FNBP1: variants seen among roughly 807,000 people sequenced by gnomAD.
The protein encoded by FNBP1 is formin-binding protein 1.
Under a neutral mutation model 90.6 loss-of-function variants are expected in FNBP1, and 26 were observed. The observed-to-expected ratio is 0.29, with a 90% CI of 0.21 to 0.40. The LOEUF is 0.40. FNBP1 is among the 10% of genes least tolerant of loss of function. The pLI, the probability that FNBP1 is intolerant of heterozygous loss-of-function variation, is 1.00. For missense variants in FNBP1, 635 were observed against 768.0 expected (o/e 0.83, Z 2.05); for synonymous variants, 260 against 265.2 (o/e 0.98, Z 0.19).
At chr9:129,996,778 C>T (rs1300961733) in intron 1 of FNBP1, among the ~76,000 whole-genome samples, 1 of 152,130 alleles carries the variant, frequency 6.6e-6, no homozygotes, top group Non-Finnish European at 1.5e-5. Flanking sequence ...CAGCTTGCTG[C>T]TGCCTCCCAG....
chr9:129,913,476 T>TA lies in FNBP1; in HGVS notation c.1185+2489dup, dbSNP rs551264896. Among the ~76,000 whole-genome samples, 6 of 151,450 alleles carry TA rather than the reference T, an allele frequency of 4.0e-5. No individual in the cohort carries two copies. In the South Asian group the frequency reaches 1.3e-3, roughly 32 times the overall value. The stretch of plus-strand genomic sequence containing the variant: ...AAGAGAAGCTTGTTCTATGTACTAA[T>TA]AAAATCAAACCTGGCCGGGCCTGGT... On this transcript the variant is annotated intron_variant, in intron 11 of 16. Coordinates refer to ENST00000446176, the MANE Select transcript of FNBP1 (RefSeq NM_015033.3).
At chr9:129,895,326 G>A in intron 16 of FNBP1, 22 of 1,063,330 alleles carry the variant, frequency 2.1e-5, no homozygotes, top group Non-Finnish European at 2.4e-5. Flanking sequence ...TTTCACTTGT[G>A]ACTTCCTCCC....
intron 2 of FNBP1, among the ~76,000 whole-genome samples, chr9:129,983,802 C>T (rs1407036251): frequency 6.6e-6 from 1 of 152,216 alleles, no homozygotes; most frequent in African/African-American, 2.4e-5. Flanking sequence ...CAGAGCAAGA[C>T]TTCGTCTCAA....
rs1180360063 is a variant in FNBP1, at chr9:129,926,913, AAAAG to A, written c.789+278_789+281del. On this transcript the variant is annotated intron_variant, in intron 8 of 16. Transcript: ENST00000446176. ...AAAGAAAAAAAAAAAAAGAAAAAGA[AAAAG>A]AAAAAGAGAAAGAAACCCTGCCTTA... Among the ~76,000 whole-genome samples, 5 of 152,052 alleles carry A rather than the reference AAAAG, an allele frequency of 3.3e-5. No individual in the cohort carries two copies. The East Asian group carries it at 9.6e-4, about 29-fold the overall frequency.
At chr9:129,901,898 C>T (rs2037020252) in intron 13 of FNBP1, among the ~76,000 whole-genome samples, 1 of 152,050 alleles carries the variant, frequency 6.6e-6, no homozygotes, top group Non-Finnish European at 1.5e-5. Flanking sequence ...GGCAACAGGG[C>T]GAGACTTCAT....
At chr9:129,891,179 G>C (rs1042553331) in intron 16 of FNBP1, among the ~76,000 whole-genome samples, 2 of 151,666 alleles carry the variant, frequency 1.3e-5, no homozygotes, top group Non-Finnish European at 2.9e-5. Context: ...GGAAACGGAG[G>C]TTGGGTGCAG....
Position 129,908,963 on chromosome 9 carries a change from C to T in FNBP1, c.1222G>A (p.Glu408Lys), listed in dbSNP as rs2038698787. The stretch of plus-strand genomic sequence containing the variant: ...TGCTGCAGCTTTTTCCTTCTTTGTT[C>T]AGGTGGGAGGTTGCTGAAATCCTCC... ...TPEDFSNLPPEQRRKKLQQKV... is the reference protein window; with the variant it reads ...TPEDFSNLPPKQRRKKLQQKV... The change falls in exon 12 of 17, where the codon GAA becomes AAA. Residue 408 changes from glutamate (E) to lysine (K), a missense_variant. Transcript: ENST00000446176. 2 of 1,613,708 alleles carry T rather than the reference C, an allele frequency of 1.2e-6. No individual in the cohort carries two copies. The highest frequency in any genetic ancestry group is 8.5e-7 in the Non-Finnish European group (1 of 1,179,772).
chr9:130,052,852 C>T, the FNBP1 span, among the ~76,000 whole-genome samples: 1 of 151,990 alleles, frequency 6.6e-6, no homozygotes, highest in African/African-American at 2.4e-5. Context: ...CAGTGACTCA[C>T]GCCTGTAATC....
rs56397008 is a variant in FNBP1 at position 129,893,637 on chromosome 9, A to AAAAAAAAAAAAG, written c.1846+2200_1846+2201insCTTTTTTTTTTT. ...CAAAAAAAAAAAAAAAAAAAAAAAAAGCCAGGCACGGGCTCATGCCTGTAA... is the reference window on the plus strand; with the variant it reads ...CAAAAAAAAAAAAAAAAAAAAAAAAAAAAAAAAAAAAGGCCAGGCACGGGCTCATGCCTGTAA... On this transcript the variant is annotated intron_variant, in intron 16 of 16. Transcript: ENST00000446176. 3.4e-3 allele frequency among the ~76,000 whole-genome samples: 213 copies of AAAAAAAAAAAAG among 62,234 alleles called. 44 individuals carry two copies. The highest frequency in any genetic ancestry group is 5.0e-3 in the South Asian group (6 of 1,204). 40.8% of individuals were successfully genotyped at this position (62,234 alleles called of 152,430 possible). A position where few individuals can be genotyped will look rare whatever the true frequency, so the allele number is the denominator to read the frequency against.
At chr9:129,940,582 T>C (rs2044171400) in intron 6 of FNBP1, among the ~76,000 whole-genome samples, 1 of 150,390 alleles carries the variant, frequency 6.6e-6, no homozygotes, top group Non-Finnish European at 1.5e-5. Context: ...AACAACATAA[T>C]ATAGGAAGAG....
chr9:129,918,481 A>G (rs1318301270), intron 10 of FNBP1, among the ~76,000 whole-genome samples: 2 of 152,268 alleles, frequency 1.3e-5, no homozygotes, highest in Non-Finnish European at 2.9e-5. Context: ...ACAAGCGTCA[A>G]TAACACATGG....
chr9:130,045,168 C>G (rs1340476971), upstream of FNBP1: 1 of 152,052 alleles, frequency 6.6e-6, no homozygotes, highest in East Asian at 1.9e-4. Context: ...CTCTCAGTTA[C>G]CAGGTCTGAA....
rs866446869 is a variant in FNBP1, at chr9:129,890,701, G to T, written c.1847-155C>A. 6.6e-6 allele frequency among the ~76,000 whole-genome samples: 1 copy of T among 152,194 alleles called. No homozygotes were observed. The highest frequency in any genetic ancestry group is 1.5e-5 in the Non-Finnish European group (1 of 68,044). On this transcript the variant is annotated intron_variant, in intron 16 of 16. Coordinates refer to ENST00000446176, the MANE Select transcript of FNBP1 (RefSeq NM_015033.3). The surrounding 1 kb of genome is among the most constrained non-coding windows in gnomAD (Gnocchi z 5.8). Reference sequence around the variant, plus strand: ...TGGGAGGGGGCGTCTTAGAGCAATCGGTTACCACAGGGCGGGTCTGAGATG... The same window carrying T: ...TGGGAGGGGGCGTCTTAGAGCAATCTGTTACCACAGGGCGGGTCTGAGATG...
chr9:130,046,723 G>A (rs62585591), upstream of FNBP1, among the ~76,000 whole-genome samples: 3,680 of 146,436 alleles, frequency 0.025, 102 homozygotes, highest in Middle Eastern at 0.078. Context: ...AGCTAAGATC[G>A]CGCCACTACA....
intron 6 of FNBP1, among the ~76,000 whole-genome samples, chr9:129,951,440 A>ATTTATTTATTTATTTG (rs1554810011): frequency 5.4e-5 from 8 of 148,798 alleles, no homozygotes; most frequent in Admixed American, 1.3e-4. Context: ...TTATTTATTT[A>ATTTATTTATTTATTTG]TTTGTTTGTT....
intron 4 of FNBP1, among the ~76,000 whole-genome samples, chr9:129,972,192 G>C (rs1220495922): frequency 6.6e-6 from 1 of 152,140 alleles, no homozygotes; most frequent in Non-Finnish European, 1.5e-5. Context: ...AGAGTGCAGT[G>C]GCACAATCTC....
chr9:129,909,588 A>AT (rs2038847152), intron 11 of FNBP1, among the ~76,000 whole-genome samples: 1 of 150,666 alleles, frequency 6.6e-6, no homozygotes, highest in South Asian at 2.1e-4. Flanking sequence ...TCCTTACCCC[A>AT]TGCACACCTC....
chr9:129,928,883 G>A (rs2042305894), intron 7 of FNBP1, among the ~76,000 whole-genome samples: 1 of 151,962 alleles, frequency 6.6e-6, no homozygotes, highest in African/African-American at 2.4e-5. Context: ...TTGAGTCCAG[G>A]AATTTGAGAC....
chr9:130,014,209 G>T lies in FNBP1; in HGVS notation c.25-19251C>A, dbSNP rs187465912. On this transcript the variant is annotated intron_variant, in intron 1 of 16. Coordinates refer to ENST00000446176, the MANE Select transcript of FNBP1 (RefSeq NM_015033.3). ...TGTGATCAGGGAGGGGCCAGCAGGA[G>T]ATTCTGGAATAATGTTCTATTTCTT... Among the ~76,000 whole-genome samples, 35 of 151,830 alleles carry T rather than the reference G, an allele frequency of 2.3e-4. No individual in the cohort carries two copies. The East Asian group carries it at 5.4e-3, about 23-fold the overall frequency.
Sources: allele counts gnomAD v4.1 joint callset (sites outside exome capture counted in the v4.1 genomes callset), GRCh38; gene constraint gnomAD v4.1.1; non-coding constraint Gnocchi (gnomAD v3.1); transcripts MANE v1.5; gene names NCBI Gene and HGNC (gene_info 2026-07-23, HGNC 2026-07-21).